The following GABRB3 variants were observed in gnomAD, a reference collection of about 807,000 sequenced individuals.
GABRB3 encodes gamma-aminobutyric acid type A receptor subunit beta3, also known as gamma-aminobutyric acid receptor subunit beta-3.
Under a neutral mutation model 52.1 loss-of-function variants are expected in GABRB3, and 14 were observed. The observed-to-expected ratio is 0.27, with a 90% CI of 0.18 to 0.42. The LOEUF (loss-of-function observed/expected upper bound fraction) is 0.42. GABRB3 is among the 10% of genes least tolerant of loss of function. GABRB3 has a pLI of 1.00. For missense variants in GABRB3, 307 were observed against 609.1 expected (o/e 0.50, Z 5.22); for synonymous variants, 260 against 232.3 (o/e 1.12, Z -1.08).
chr15:26,572,173 G>A (rs1234148683), intron 6 of GABRB3, among the ~76,000 whole-genome samples: 5 of 152,204 alleles, frequency 3.3e-5, no homozygotes, highest in Non-Finnish European at 7.3e-5. Flanking sequence ...CAACGAAGGT[G>A]AATAAAAGCA....
intron 3 of GABRB3, among the ~76,000 whole-genome samples, chr15:26,635,010 A>ATATATATATAT (rs10676156): frequency 0.14 from 10,399 of 74,454 alleles, 2,777 homozygotes; most frequent in Non-Finnish European, 0.17. Context: ...ATATATATAT[A>ATATATATATAT]ATATATATAT....
Position 26,543,636 on chromosome 15 carries a change from A to C in GABRB3, c.*4157T>G, listed in dbSNP as rs1889114045. The C allele has an allele frequency of 6.6e-6, 1 of 152,610 alleles. No individual in the cohort carries two copies. The highest frequency in any genetic ancestry group is 1.5e-5 in the Non-Finnish European group (1 of 68,028). 9.5% of individuals were successfully genotyped at this position (152,610 alleles called of 1,614,324 possible). ...TATCACTCAATTTTGCTGTTTTTTC[A>C]TGTCAAATAATACCAAAAAATTACA... On this transcript the variant is annotated 3_prime_UTR_variant, in exon 9 of 9. Transcript: ENST00000311550.
upstream of GABRB3, among the ~76,000 whole-genome samples, chr15:26,773,373 G>A (rs1891215442): frequency 6.6e-6 from 1 of 150,924 alleles, no homozygotes; most frequent in Admixed American, 6.6e-5. Flanking sequence ...GCTGCGCGGA[G>A]TCGGGAGGGG....
At chr15:26,568,981 T>G (rs545494055) in intron 6 of GABRB3, among the ~76,000 whole-genome samples, 23 of 152,292 alleles carry the variant, frequency 1.5e-4, no homozygotes, top group African/African-American at 4.3e-4. Flanking sequence ...TCAGCTCCTC[T>G]GATTGCTCCC....
chr15:26,707,126 A>G (rs1446820767), intron 3 of GABRB3, among the ~76,000 whole-genome samples: 1 of 152,232 alleles, frequency 6.6e-6, no homozygotes, highest in African/African-American at 2.4e-5. Context: ...CAGATGCCAC[A>G]GGATCATAAG....
At chr15:26,625,762 G>C (rs753496019) in intron 3 of GABRB3, among the ~76,000 whole-genome samples, 1 of 152,136 alleles carries the variant, frequency 6.6e-6, no homozygotes, top group Non-Finnish European at 1.5e-5. Flanking sequence ...CGGCAGGGTG[G>C]ATCCCTGTTG....
chr15:26,764,164 AAAAAAAAAAAAAAAAATATATATATATAT>A (rs1890906413), intron 3 of GABRB3, among the ~76,000 whole-genome samples: 1 of 39,868 alleles, frequency 2.5e-5, no homozygotes, highest in South Asian at 9.0e-4. Context: ...AAAAAAAAAA[AAAAAAAAAAAAAAAAATATATATATATAT>A]ATATATATAT....
At chr15:26,568,175 G>A (rs1273712843) in intron 6 of GABRB3, among the ~76,000 whole-genome samples, 1 of 152,144 alleles carries the variant, frequency 6.6e-6, no homozygotes, top group Non-Finnish European at 1.5e-5. Flanking sequence ...AGATGTTAGA[G>A]GCATTGCCCC....
At chr15:26,566,799 T>C (rs1021100178) in intron 7 of GABRB3, among the ~76,000 whole-genome samples, 5 of 152,142 alleles carry the variant, frequency 3.3e-5, no homozygotes, top group African/African-American at 1.2e-4. Context: ...GTAAGGTACT[T>C]TGCCAGATAA....
chr15:26,630,699 T>G lies in GABRB3; in HGVS notation c.241-9165A>C, dbSNP rs557406420. On this transcript the variant is annotated intron_variant, in intron 3 of 8. Coordinates refer to ENST00000311550, the MANE Select transcript of GABRB3 (RefSeq NM_000814.6). Reference sequence around the variant, plus strand: ...AGCCATTTATTCATCTTGGCTTATTTTGGGGATCATAAAGCCCTTTGATAA... The same window carrying G: ...AGCCATTTATTCATCTTGGCTTATTGTGGGGATCATAAAGCCCTTTGATAA... Among the ~76,000 whole-genome samples the G allele has an allele frequency of 7.9e-5, 12 of 152,330 alleles. No homozygotes were observed. The South Asian group carries it at 2.5e-3, about 32-fold the overall frequency.
intron 4 of GABRB3, among the ~76,000 whole-genome samples, chr15:26,603,002 G>A (rs1364972417): frequency 6.6e-6 from 1 of 151,684 alleles, no homozygotes; most frequent in African/African-American, 2.4e-5. Context: ...AAACAAAATT[G>A]ACAAACCTTT....
intron 3 of GABRB3, among the ~76,000 whole-genome samples, chr15:26,734,858 G>C (rs1002989783): frequency 6.6e-6 from 1 of 151,046 alleles, no homozygotes; most frequent in Non-Finnish European, 1.5e-5. Flanking sequence ...TGAGGCTGCA[G>C]TGAGCTGTGA....
intron 4 of GABRB3, chr15:26,615,744 G>A: frequency 9.0e-7 from 1 of 1,107,212 alleles, no homozygotes; most frequent in Non-Finnish European, 1.1e-6. Flanking sequence ...AATAACAAAA[G>A]AAGCGTAGAG....
chr15:26,565,421 C>T (rs957213446), intron 7 of GABRB3, among the ~76,000 whole-genome samples: 5 of 152,140 alleles, frequency 3.3e-5, no homozygotes, highest in Admixed American at 2.6e-4. Context: ...CACCCTAACT[C>T]TAGTGAATAT....
intron 3 of GABRB3, among the ~76,000 whole-genome samples, chr15:26,757,329 G>A (rs1360553579): frequency 6.6e-6 from 1 of 152,112 alleles, no homozygotes; most frequent in African/African-American, 2.4e-5. Flanking sequence ...CCTAGGAGCT[G>A]TAATTATTCA....
Position 26,759,019 on chromosome 15 carries a change from G to A in GABRB3, c.240+13383C>T, listed in dbSNP as rs573867355. Among the ~76,000 whole-genome samples the A allele has an allele frequency of 4.4e-4, 67 of 152,156 alleles. 1 individual carries two copies. The highest frequency in any genetic ancestry group is 1.6e-3 in the African/African-American group (66 of 41,506). On this transcript the variant is annotated intron_variant, in intron 3 of 8. Coordinates refer to ENST00000311550, the MANE Select transcript of GABRB3 (RefSeq NM_000814.6). ...CAAGTTTGGTACACACTCCACATTT[G>A]GATCTATATAATCCTAATCCTGACT...
intron 3 of GABRB3, among the ~76,000 whole-genome samples, chr15:26,746,856 G>A (rs866330600): frequency 1.3e-5 from 2 of 152,124 alleles, no homozygotes; most frequent in Non-Finnish European, 2.9e-5. Context: ...GCGTGGTGGC[G>A]GGCACCTGTA....
intron 8 of GABRB3, among the ~76,000 whole-genome samples, chr15:26,553,671 C>T (rs1340449004): frequency 1.3e-5 from 2 of 152,024 alleles, no homozygotes; most frequent in East Asian, 3.9e-4. Context: ...GAATGCACTT[C>T]CACGAAGGGG....
intron 3 of GABRB3, among the ~76,000 whole-genome samples, chr15:26,700,034 T>C (rs911732192): frequency 2.0e-5 from 3 of 150,720 alleles, no homozygotes; most frequent in Admixed American, 1.3e-4. Context: ...ACAAAAACAA[T>C]ACTGAAAAAT....
Sources: gnomAD v4.1 joint callset for allele counts (sites outside exome capture counted in the v4.1 genomes callset) on GRCh38, gnomAD v4.1.1 for gene constraint, MANE v1.5 for transcripts, NCBI Gene and HGNC (gene_info 2026-07-23, HGNC 2026-07-21) for gene names.